ABCA12: variants seen among roughly 807,000 people sequenced by gnomAD.
ABCA12 encodes the protein ATP binding cassette subfamily A member 12.
A neutral mutation model predicts 293.5 loss-of-function variants in ABCA12; 156 were observed. The ratio of observed to expected loss-of-function variants is 0.53; its 90% CI spans 0.47 to 0.61. The LOEUF is 0.61. Among genes scored for constraint, ABCA12 ranks in the 20% least tolerant of loss-of-function variants. The pLI is 0.00. For synonymous variants in ABCA12, 1,063 were observed against 1,108.0 expected (o/e 0.96, Z 0.81); for missense variants, 2,797 against 3,090.2 (o/e 0.91, Z 2.25).
intron 29 of ABCA12, among the ~76,000 whole-genome samples, chr2:214,983,018 T>TG (rs1005331772): frequency 3.6e-4 from 55 of 152,092 alleles, no homozygotes; most frequent in Non-Finnish European, 4.3e-4. Flanking sequence ...AATGGCCATC[T>TG]GGGGGGGTAG....
At chr2:215,038,279 T>G (rs1042449098) in intron 7 of ABCA12, among the ~76,000 whole-genome samples, 3 of 152,196 alleles carry the variant, frequency 2.0e-5, no homozygotes, top group Non-Finnish European at 2.9e-5. Context: ...TGTCCAGTTT[T>G]GCAGATGGGA....
chr2:215,019,506 T>G (rs754770823), intron 12 of ABCA12, 34 bp downstream of exon 12: 1 of 1,614,020 alleles, frequency 6.2e-7, no homozygotes, highest in South Asian at 1.1e-5. Flanking sequence ...TTGAAAGAGA[T>G]TTCACCAAGG....
chr2:215,036,564 T>A (rs1006068488), intron 8 of ABCA12, among the ~76,000 whole-genome samples: 1 of 152,192 alleles, frequency 6.6e-6, no homozygotes, highest in Non-Finnish European at 1.5e-5. Flanking sequence ...TGTTATACCT[T>A]GTCTTACTGG....
intron 1 of ABCA12, among the ~76,000 whole-genome samples, chr2:215,134,505 C>T (rs965590818): frequency 1.2e-4 from 11 of 88,616 alleles, no homozygotes; most frequent in East Asian, 2.3e-4. Flanking sequence ...CACATATATG[C>T]GTATGTATAT....
At chr2:215,027,408 A>G (rs1700774076) in intron 9 of ABCA12, among the ~76,000 whole-genome samples, 1 of 152,138 alleles carries the variant, frequency 6.6e-6, no homozygotes, top group Non-Finnish European at 1.5e-5. Flanking sequence ...ACCCAGTTTA[A>G]CTGTACAAGG....
chr2:215,114,840 A>C (rs543940519), intron 1 of ABCA12, among the ~76,000 whole-genome samples: 3 of 152,198 alleles, frequency 2.0e-5, no homozygotes, highest in Non-Finnish European at 4.4e-5. Flanking sequence ...CATAGTTATG[A>C]AAGTATTCAT....
chr2:215,108,322 T>C (rs1165049936), intron 2 of ABCA12, among the ~76,000 whole-genome samples: 4 of 152,238 alleles, frequency 2.6e-5, no homozygotes, highest in African/African-American at 9.6e-5. Flanking sequence ...GATTTCATAA[T>C]TGAGGCAAAG....
chr2:215,025,850 C>A (rs1304639828), intron 10 of ABCA12, 71 bp from the exon 11 acceptor site: 3 of 1,031,030 alleles, frequency 2.9e-6, no homozygotes, highest in Middle Eastern at 4.8e-4. Context: ...TTGAAAGACA[C>A]CTCTATCCTG....
chr2:214,973,122 G>A lies in ABCA12; in HGVS notation c.5562+827C>T, dbSNP rs374777323. 1.5e-4 allele frequency among the ~76,000 whole-genome samples: 23 copies of A among 152,232 alleles called. No individual in the cohort carries two copies. The East Asian group carries it at 1.9e-3, about 13-fold the overall frequency. ...TTACAGGCTTGAGCCATCACACCTG[G>A]CCAAGACTAATTTTTAAATATGCAG... On this transcript the variant is annotated intron_variant, in intron 36 of 52. Transcript: ENST00000272895.
At chr2:215,134,988 A>G (rs1349663173) in intron 1 of ABCA12, among the ~76,000 whole-genome samples, 1 of 152,034 alleles carries the variant, frequency 6.6e-6, no homozygotes, top group African/African-American at 2.4e-5. Context: ...TTTTTGAGAC[A>G]GAGTTTCACT....
intron 5 of ABCA12, chr2:215,050,763 A>T: frequency 1.0e-6 from 1 of 983,690 alleles, no homozygotes; most frequent in Non-Finnish European, 1.2e-6. Flanking sequence ...ATTCATCCGT[A>T]TCTCTCTTCT....
chr2:215,043,757 A>G (rs995945511), intron 7 of ABCA12, among the ~76,000 whole-genome samples: 2 of 152,116 alleles, frequency 1.3e-5, no homozygotes, highest in African/African-American at 4.8e-5. Context: ...ACAAATACAC[A>G]TACATGTAAC....
Position 215,012,003 on chromosome 2 carries a change from T to C in ABCA12, c.2089A>G (p.Met697Val). The part of the protein sequence containing the change: ...LLDKMRSLKQ[M>V]HLPRSVPLTQ... ...AATGGAACACTTCTGGGCAGATGCA[T>C]TTGCTTCAGGGATCTCATTTTGTCT... Residue 697 changes from methionine (M) to valine (V), a missense_variant, in exon 16 of 53, where the codon ATG becomes GTG. Around this residue, in one of 3 missense-constraint regions of ABCA12, gnomAD observed 2,130 missense variants for 2,427.0 expected, o/e 0.88. Transcript: ENST00000272895. 2 of 1,613,988 alleles carry C rather than the reference T, an allele frequency of 1.2e-6. No individual in the cohort carries two copies. The highest frequency in any genetic ancestry group is 1.7e-6 in the Non-Finnish European group (2 of 1,179,950).
Position 214,947,899 on chromosome 2 carries a change from G to A in ABCA12, c.7105-343C>T, listed in dbSNP as rs78418916. Reference sequence around the variant, plus strand: ...GAGCTGAAACAGAATTCACAAGACAGGATTCTCACTGACTGTTACCCCTGC... The same window carrying A: ...GAGCTGAAACAGAATTCACAAGACAAGATTCTCACTGACTGTTACCCCTGC... On this transcript the variant is annotated intron_variant, in intron 47 of 52. Coordinates refer to ENST00000272895, the MANE Select transcript of ABCA12 (RefSeq NM_173076.3). The A allele has an allele frequency of 3.2e-3, 1,035 of 324,390 alleles. 10 individuals carry two copies. The highest frequency in any genetic ancestry group is 0.021 in the African/African-American group (977 of 46,442). 20.1% of individuals were successfully genotyped at this position (324,390 alleles called of 1,614,324 possible).
In ABCA12 at chr2:214,949,163, G is replaced by A; in HGVS notation, c.6853-14C>T. Reference sequence around the variant, plus strand: ...AAGCCCAAAACACTGGTTTGAGGGAGAAAAAGAAGATATAAGCCTTAATCC... The same window carrying A: ...AAGCCCAAAACACTGGTTTGAGGGAAAAAAAGAAGATATAAGCCTTAATCC... On this transcript the variant is annotated splice_polypyrimidine_tract_variant and intron_variant, in intron 45 of 52. Transcript: ENST00000272895. The A allele has an allele frequency of 6.3e-7, 1 of 1,584,922 alleles. No homozygotes were observed. The highest frequency in any genetic ancestry group is 8.7e-7 in the Non-Finnish European group (1 of 1,153,768).
At chr2:214,981,761 G>GTTTTTT (rs11323161) in intron 30 of ABCA12, among the ~76,000 whole-genome samples, 3 of 76,998 alleles carry the variant, frequency 3.9e-5, no homozygotes, top group African/African-American at 8.7e-5. Flanking sequence ...CGTCAAGCTG[G>GTTTTTT]TTTTTTTTTT....
intron 52 of ABCA12, 115 bp from the exon 53 acceptor site, chr2:214,932,856 G>A (rs1447769640): frequency 9.3e-6 from 7 of 751,676 alleles, no homozygotes; most frequent in African/African-American, 5.2e-5. Flanking sequence ...GTGTATATAT[G>A]TGTATGCAGG....
At chr2:215,029,048 T>C (rs1700813179) in intron 9 of ABCA12, 1 of 152,208 alleles carries the variant, frequency 6.6e-6, no homozygotes, top group South Asian at 2.1e-4. Context: ...ACTGCATCTA[T>C]TTTGGGAAGA....
intron 5 of ABCA12, among the ~76,000 whole-genome samples, chr2:215,050,328 ATCTAAG>A (rs147022091): frequency 0.059 from 8,991 of 152,178 alleles, 869 homozygotes; most frequent in African/African-American, 0.2. Context: ...CAGTTCTTCC[ATCTAAG>A]TCTTATATAT....
Sources: allele counts gnomAD v4.1 joint callset (sites outside exome capture counted in the v4.1 genomes callset), GRCh38; gene constraint gnomAD v4.1.1; regional missense constraint gnomAD v4.1.1; transcripts MANE v1.5; gene names NCBI Gene and HGNC (gene_info 2026-07-23, HGNC 2026-07-21).